The following ZFC3H1 variants were observed in gnomAD, a reference collection of about 807,000 sequenced individuals.
ZFC3H1 encodes the protein zinc finger C3H1-type containing.
Under a neutral mutation model 243.7 loss-of-function variants are expected in ZFC3H1, and 71 were observed. The observed-to-expected ratio is 0.29, with a 90% confidence interval of 0.24 to 0.36. The LOEUF is 0.36. Among genes scored for constraint, ZFC3H1 ranks in the 10% least tolerant of loss-of-function variants. The pLI, the probability that ZFC3H1 is intolerant of heterozygous loss-of-function variation, is 1.00. For missense variants in ZFC3H1, 1,966 were observed against 2,317.1 expected, an observed-to-expected ratio of 0.85 and a Z score of 3.11; for synonymous variants, 838 against 813.0, an observed-to-expected ratio of 1.03 and a Z score of -0.52.
chr12:71,657,446 AATGT>A (rs1459972685), intron 1 of ZFC3H1, 145 bp from the exon 2 acceptor site: 7 of 706,438 alleles, frequency 9.9e-6, no homozygotes, highest in African/African-American at 3.6e-5. Flanking sequence ...AATTCCATTT[AATGT>A]ATGTGCAGCT....
intron 13 of ZFC3H1, 76 bp downstream of exon 13, chr12:71,633,188 G>GC: frequency 1.4e-6 from 2 of 1,452,804 alleles, no homozygotes; most frequent in Non-Finnish European, 1.8e-6. Flanking sequence ...TTAGTATACA[G>GC]TGGTTTGTCT....
chr12:71,644,034 G>T (rs1167678233), intron 5 of ZFC3H1, 61 bp downstream of exon 5: 5 of 1,400,686 alleles, frequency 3.6e-6, no homozygotes, highest in Middle Eastern at 1.9e-4. Flanking sequence ...CAGAATCTAT[G>T]AAATATGACT....
chr12:71,658,299 T>TC (rs1881074650), intron 1 of ZFC3H1, among the ~76,000 whole-genome samples: 1 of 146,140 alleles, frequency 6.8e-6, no homozygotes, highest in African/African-American at 2.6e-5. Flanking sequence ...TTTTTTTTTT[T>TC]TTTTTTTGAG....
At position 71,633,427 on chromosome 12, in the gene ZFC3H1, A is replaced by C; in HGVS notation, c.2522T>G (p.Met841Arg). Residue 841 changes from methionine to arginine, a missense_variant, in exon 13 of 35, where the codon ATG (methionine) becomes AGG (arginine). Met to Arg is a moderately conservative substitution (Grantham distance 91, BLOSUM62 -1). This residue lies in a region of ZFC3H1 where 1,383 missense variants were observed against 1,723.7 expected (regional missense o/e 0.80). Transcript: ENST00000378743. ...SKLKKHRILL[M>R]KDESVLKNLV... is the part of the protein sequence containing the mutation. Reference sequence around the variant, plus strand: ...ATTCTTTAAAACAGATTCATCTTTCATCAAGAGAATCCTAAATGAGAAATA... The same window carrying C: ...ATTCTTTAAAACAGATTCATCTTTCCTCAAGAGAATCCTAAATGAGAAATA... The C allele has an allele frequency of 1.3e-6, 2 of 1,566,394 alleles. No homozygotes were observed. Among genetic ancestry groups the C allele is most frequent in the Non-Finnish European group, 1.7e-6 (2 of 1,158,540 alleles).
intron 3 of ZFC3H1, among the ~76,000 whole-genome samples, chr12:71,646,892 C>A (rs1880743754): frequency 6.6e-6 from 1 of 152,226 alleles, no homozygotes; most frequent in Non-Finnish European, 1.5e-5. Flanking sequence ...ACTAGTCAGA[C>A]AAGCTCATTA....
intron 31 of ZFC3H1, among the ~76,000 whole-genome samples, chr12:71,612,404 T>C (rs1879795180): frequency 6.6e-6 from 1 of 152,094 alleles, no homozygotes; most frequent in Non-Finnish European, 1.5e-5. Context: ...ACTACCTATA[T>C]TCTAAAATGC....
At chr12:71,610,586 T>C (rs781026825) in intron 34 of ZFC3H1, 21 bp from the exon 35 acceptor site, 37 of 1,612,804 alleles carry the variant, frequency 2.3e-5, no homozygotes, top group South Asian at 1.5e-4. Flanking sequence ...CAGGGAAGCA[T>C]AGAAGTAAGA....
At position 71,630,583 on chromosome 12, in the gene ZFC3H1, AG is replaced by A; in HGVS notation, c.3724+16del. 3 of 1,595,532 alleles carry A rather than the reference AG, an allele frequency of 1.9e-6. No individual in the cohort carries two copies. Among genetic ancestry groups the A allele is most frequent in the Non-Finnish European group, 2.6e-6 (3 of 1,175,022 alleles). The stretch of plus-strand genomic sequence containing the variant: ...ATTCAATTTTCATTTGGGAGAGAAT[AG>A]GAAGTCTTTAAAAACCTGCTGAAGC... On this transcript the variant is annotated intron_variant, in intron 18 of 34. Transcript: ENST00000378743.
At chr12:71,627,254 T>G (rs906419947) in intron 21 of ZFC3H1, among the ~76,000 whole-genome samples, 16 of 152,296 alleles carry the variant, frequency 1.1e-4, no homozygotes, top group Admixed American at 5.2e-4. Flanking sequence ...GTTGTATAAG[T>G]TATTACCATT....
chr12:71,658,277 T>C (rs1260985166), intron 1 of ZFC3H1, among the ~76,000 whole-genome samples: 1 of 146,450 alleles, frequency 6.8e-6, no homozygotes, highest in Admixed American at 6.9e-5. Context: ...ATACATCATT[T>C]ATAGATTTTT....
At chr12:71,662,497 T>TCC (rs150388437) in intron 1 of ZFC3H1, among the ~76,000 whole-genome samples, 320 of 103,502 alleles carry the variant, frequency 3.1e-3, no homozygotes, top group East Asian at 4.8e-3. Context: ...TTTTTACCCC[T>TCC]CCCCCCCCCA....
At chr12:71,646,854 G>T (rs1487411515) in intron 3 of ZFC3H1, among the ~76,000 whole-genome samples, 1 of 152,198 alleles carries the variant, frequency 6.6e-6, no homozygotes, top group Non-Finnish European at 1.5e-5. Flanking sequence ...TGAACAGCAA[G>T]AGCACAGAGC....
chr12:71,642,143 C>A (rs910685083), intron 6 of ZFC3H1, among the ~76,000 whole-genome samples: 1 of 152,194 alleles, frequency 6.6e-6, no homozygotes, highest in African/African-American at 2.4e-5. Flanking sequence ...AGCCACTGCA[C>A]CCGGCCCAAT....
intron 27 of ZFC3H1, among the ~76,000 whole-genome samples, chr12:71,615,903 A>G (rs1465148257): frequency 6.6e-6 from 1 of 152,222 alleles, no homozygotes. Flanking sequence ...ACAAAACACC[A>G]TAATCCTCTA....
intron 27 of ZFC3H1, 41 bp from the exon 28 acceptor site, chr12:71,615,357 C>T (rs769487056): frequency 6.3e-6 from 8 of 1,273,430 alleles, no homozygotes; most frequent in Admixed American, 1.9e-5. Context: ...ATTACACCTA[C>T]CCACACAGGA....
chr12:71,640,618 CA>C (rs139957293), intron 6 of ZFC3H1, among the ~76,000 whole-genome samples: 8,841 of 152,306 alleles, frequency 0.058, 356 homozygotes, highest in South Asian at 0.087. Context: ...GCTTTCATTA[CA>C]GGGAACGGGC....
At chr12:71,662,857 C>T in intron 1 of ZFC3H1, 156 bp downstream of exon 1, 1 of 772,056 alleles carries the variant, frequency 1.3e-6, no homozygotes, top group Non-Finnish European at 2.1e-6. Flanking sequence ...TAGTGTGACA[C>T]ATGGGGAATT....
chr12:71,630,085 T>C (rs996103927), intron 18 of ZFC3H1, among the ~76,000 whole-genome samples: 2 of 152,350 alleles, frequency 1.3e-5, no homozygotes, highest in Admixed American at 6.5e-5. Context: ...TTGAGGTTTA[T>C]TACTTGGCAC....
rs868205669 is a variant in ZFC3H1 at position 71,632,127 on chromosome 12, T to C, written c.3205A>G (p.Ile1069Val). 1 of 1,609,768 alleles carries C rather than the reference T, an allele frequency of 6.2e-7. No individual in the cohort carries two copies. Among genetic ancestry groups the C allele is most frequent in the African/African-American group, 1.3e-5 (1 of 74,434 alleles). ...ACAGTATTTTTATTAAGTTTGTTTATGCATTCTTTGTTAGCAGTATCAGTG... is the reference window on the plus strand; with the variant it reads ...ACAGTATTTTTATTAAGTTTGTTTACGCATTCTTTGTTAGCAGTATCAGTG... Reference protein sequence around the residue: ...KHTDTANKECINKLNKNTVEK... With the variant: ...KHTDTANKECVNKLNKNTVEK... Residue 1069 changes from isoleucine to valine, a missense_variant, in exon 15 of 35, where the codon ATA becomes GTA. Around this residue, in one of 4 missense-constraint regions of ZFC3H1, gnomAD observed 1,383 missense variants for 1,723.7 expected, o/e 0.80. Coordinates refer to ENST00000378743, the MANE Select transcript of ZFC3H1 (RefSeq NM_144982.5).
Sources: gnomAD v4.1 joint callset for allele counts (sites outside exome capture counted in the v4.1 genomes callset) on GRCh38, gnomAD v4.1.1 for gene constraint, gnomAD v4.1.1 regional missense constraint, MANE v1.5 for transcripts, NCBI Gene and HGNC (gene_info 2026-07-23, HGNC 2026-07-21) for gene names.